The following CNTN1 variants were observed in gnomAD, a reference collection of about 807,000 sequenced individuals.
CNTN1 encodes the protein contactin-1.
A neutral mutation model predicts 126.4 loss-of-function variants in CNTN1; 38 were observed. The observed-to-expected ratio is 0.30, with a 90% CI of 0.23 to 0.39. The LOEUF (loss-of-function observed/expected upper bound fraction) is 0.39, where lower values mean the gene tolerates loss of function less well. Among genes scored for constraint, CNTN1 ranks in the 10% least tolerant of loss-of-function variants. The pLI, the probability that CNTN1 is intolerant of heterozygous loss-of-function variation, is 1.00. For synonymous variants in CNTN1, 413 were observed against 422.6 expected, an observed-to-expected ratio of 0.98 and a Z score of 0.28; for missense variants, 1,009 against 1,248.4, an observed-to-expected ratio of 0.81 and a Z score of 2.89.
At chr12:40,769,966 C>T (rs1330420745) in intron 1 of CNTN1, among the ~76,000 whole-genome samples, 2 of 152,016 alleles carry the variant, frequency 1.3e-5, no homozygotes, top group East Asian at 3.9e-4. Flanking sequence ...ACCTAAGGGC[C>T]TATGAACTCT....
intron 1 of CNTN1, among the ~76,000 whole-genome samples, chr12:40,732,104 C>A (rs375436016): frequency 6.6e-6 from 1 of 151,930 alleles, no homozygotes; most frequent in Middle Eastern, 3.4e-3. Flanking sequence ...ATGAGAAAAG[C>A]TAGAGAAATT....
intron 15 of CNTN1, among the ~76,000 whole-genome samples, chr12:40,968,389 T>C (rs1415963551): frequency 6.6e-6 from 1 of 152,158 alleles, no homozygotes; most frequent in African/African-American, 2.4e-5. Flanking sequence ...AGGGAAACTA[T>C]AGTAGTTATT....
At position 41,021,553 on chromosome 12, in the gene CNTN1, G is replaced by C. The variant is rs1948911803; in HGVS notation, c.2523+1113G>C. ...TGATTAAATAAAATGTTACAATTGG[G>C]CTTTCTCAAGGCCATGTTTCTGAGA... On this transcript the variant is annotated intron_variant, in intron 20 of 23. Coordinates refer to ENST00000551295, the MANE Select transcript of CNTN1 (RefSeq NM_001843.4). 4.0e-5 allele frequency among the ~76,000 whole-genome samples: 6 copies of C among 151,882 alleles called. No individual in the cohort carries two copies. The South Asian group carries it at 1.2e-3, about 32-fold the overall frequency.
At chr12:40,875,721 C>G (rs1228240328) in intron 1 of CNTN1, among the ~76,000 whole-genome samples, 1 of 152,010 alleles carries the variant, frequency 6.6e-6, no homozygotes, top group Admixed American at 6.6e-5. Flanking sequence ...TATAGTAGAT[C>G]ATGGTATGTA....
chr12:40,896,376 T>C (rs1029631656), intron 1 of CNTN1, among the ~76,000 whole-genome samples: 1 of 152,194 alleles, frequency 6.6e-6, no homozygotes, highest in South Asian at 2.1e-4. Context: ...ACATTTTTTA[T>C]ATAATTCTCA....
intron 23 of CNTN1, among the ~76,000 whole-genome samples, chr12:41,043,572 A>C (rs1473577795): frequency 6.6e-6 from 1 of 152,154 alleles, no homozygotes; most frequent in African/African-American, 2.4e-5. Context: ...TAGTTCAACC[A>C]TTGTGGAAGT....
At chr12:40,864,039 T>TTTTTCA (rs71078279) in intron 1 of CNTN1, among the ~76,000 whole-genome samples, 1 of 118,508 alleles carries the variant, frequency 8.4e-6, no homozygotes, top group Non-Finnish European at 1.9e-5. Context: ...TTTTTTTTTT[T>TTTTTCA]GACAGAGTTT....
In CNTN1 at chr12:40,762,936, G is replaced by A. The variant is rs756856592; in HGVS notation, c.-77+70344G>A. The stretch of plus-strand genomic sequence containing the variant: ...TCTGGTCCCCAGTGTTGGAGGTGGG[G>A]CCTAGTGGGAAGTGTTTGGGTCATG... On this transcript the variant is annotated intron_variant, in intron 1 of 23. Transcript: ENST00000551295. Among the ~76,000 whole-genome samples the A allele has an allele frequency of 2.6e-4, 39 of 152,320 alleles. 1 individual carries two copies. Among genetic ancestry groups the A allele is most frequent in the Middle Eastern group, 6.8e-3 (2 of 294 alleles).
chr12:40,990,808 T>A (rs941528430), intron 16 of CNTN1, among the ~76,000 whole-genome samples: 3 of 152,170 alleles, frequency 2.0e-5, no homozygotes, highest in Admixed American at 2.0e-4. Context: ...TTGACTATCA[T>A]AAGAACACAA....
chr12:40,903,468 A>T (rs1436143956), intron 1 of CNTN1, among the ~76,000 whole-genome samples: 1 of 148,226 alleles, frequency 6.7e-6, no homozygotes, highest in Middle Eastern at 3.2e-3. Context: ...CTAGCTGTGA[A>T]TTACTAAGTG....
In CNTN1 at chr12:40,971,542, A is replaced by G. The variant is rs1474831493; in HGVS notation, c.1805-9367A>G. On this transcript the variant is annotated intron_variant, in intron 15 of 23. Coordinates refer to ENST00000551295, the MANE Select transcript of CNTN1 (RefSeq NM_001843.4). Reference sequence around the variant, plus strand: ...TTGACACTCACCATTTCTGTGAAAGACTTTTTTTTTTTTAACATATTATAC... The same window carrying G: ...TTGACACTCACCATTTCTGTGAAAGGCTTTTTTTTTTTTAACATATTATAC... The G allele has an allele frequency of 1.9e-6, 3 of 1,572,700 alleles. No individual in the cohort carries two copies. The African/African-American group carries it at 4.1e-5, about 21-fold the overall frequency.
At chr12:40,704,274 G>C (rs573662791) in intron 1 of CNTN1, among the ~76,000 whole-genome samples, 2 of 151,980 alleles carry the variant, frequency 1.3e-5, no homozygotes, top group Admixed American at 6.6e-5. Context: ...GTTAAAATAA[G>C]TCTAGATTTG....
At chr12:40,925,330 A>G (rs1052916977) in intron 6 of CNTN1, among the ~76,000 whole-genome samples, 1 of 151,766 alleles carries the variant, frequency 6.6e-6, no homozygotes, top group Non-Finnish European at 1.5e-5. Flanking sequence ...TTCACAATTT[A>G]AAAATCATGT....
At chr12:40,974,993 G>T (rs886977659) in intron 15 of CNTN1, among the ~76,000 whole-genome samples, 1 of 151,460 alleles carries the variant, frequency 6.6e-6, no homozygotes, top group South Asian at 2.1e-4. Flanking sequence ...TAATTACTTG[G>T]AAGTCTTTTG....
intron 1 of CNTN1, among the ~76,000 whole-genome samples, chr12:40,740,157 CATGTT>C (rs143694066): frequency 0.022 from 3,320 of 152,100 alleles, 51 homozygotes; most frequent in African/African-American, 0.045. Flanking sequence ...TGTAATGAAA[CATGTT>C]ATAAATCTAC....
At chr12:40,739,258 G>A (rs933711231) in intron 1 of CNTN1, among the ~76,000 whole-genome samples, 1 of 151,900 alleles carries the variant, frequency 6.6e-6, no homozygotes, top group African/African-American at 2.4e-5. Flanking sequence ...TAAAAAACTT[G>A]GATAGTCAAT....
intron 1 of CNTN1, among the ~76,000 whole-genome samples, chr12:40,848,751 A>T (rs1158675994): frequency 6.6e-6 from 1 of 151,440 alleles, no homozygotes; most frequent in Non-Finnish European, 1.5e-5. Flanking sequence ...TGTAAGTCCT[A>T]CTGAAGTTGT....
intron 1 of CNTN1, among the ~76,000 whole-genome samples, chr12:40,816,688 T>C (rs113763350): frequency 0.023 from 3,448 of 152,184 alleles, 127 homozygotes; most frequent in African/African-American, 0.077. Context: ...TCTGGCAGCT[T>C]TTGGATTCTT....
intron 1 of CNTN1, among the ~76,000 whole-genome samples, chr12:40,708,955 C>T (rs1941839730): frequency 6.6e-6 from 1 of 152,178 alleles, no homozygotes. Flanking sequence ...TTCTTCCAAA[C>T]TCCTGTTAAT....
Sources: gnomAD v4.1 joint callset for allele counts (sites outside exome capture counted in the v4.1 genomes callset) on GRCh38, gnomAD v4.1.1 for gene constraint, MANE v1.5 for transcripts, NCBI Gene and HGNC (gene_info 2026-07-23, HGNC 2026-07-21) for gene names.